INPP4B: variants seen among roughly 807,000 people sequenced by gnomAD.
The protein encoded by INPP4B is inositol polyphosphate 4-phosphatase type II.
INPP4B carries 55 observed loss-of-function variants against 122.5 expected under a neutral mutation model. The observed-to-expected ratio is 0.45, with a 90% CI of 0.36 to 0.56. The LOEUF (loss-of-function observed/expected upper bound fraction) is 0.56, where lower values mean the gene tolerates loss of function less well. Among genes scored for constraint, INPP4B ranks in the 20% least tolerant of loss-of-function variants. The pLI is 0.00. For missense variants in INPP4B, 1,000 were observed against 1,097.7 expected (o/e 0.91, Z 1.26); for synonymous variants, 403 against 388.7 (o/e 1.04, Z -0.43).
Position 142,331,414 on chromosome 4 carries a change from C to T in INPP4B, c.373-16652G>A, listed in dbSNP as rs72941152. On this transcript the variant is annotated intron_variant, in intron 7 of 25. Transcript: ENST00000262992. ...TGGGACCCAGATCTACTGGGATCCTCGTGTACTGTGAACCTGGCTGCAACT... is the reference window on the plus strand; with the variant it reads ...TGGGACCCAGATCTACTGGGATCCTTGTGTACTGTGAACCTGGCTGCAACT... Among the ~76,000 whole-genome samples, 743 of 152,214 alleles carry T rather than the reference C, an allele frequency of 4.9e-3. 3 individuals are homozygous for T. Among genetic ancestry groups the T allele is most frequent in the African/African-American group, 0.017 (705 of 41,528 alleles).
At chr4:142,159,617 A>G (rs916752517) in intron 17 of INPP4B, among the ~76,000 whole-genome samples, 9 of 152,030 alleles carry the variant, frequency 5.9e-5, no homozygotes, top group Non-Finnish European at 1.3e-4. Flanking sequence ...TGATACAGTA[A>G]TAGATTTCCC....
intron 25 of INPP4B, among the ~76,000 whole-genome samples, chr4:142,033,960 C>T (rs1350473629): frequency 6.6e-6 from 1 of 152,106 alleles, no homozygotes; most frequent in Non-Finnish European, 1.5e-5. Flanking sequence ...AGCCACTGTG[C>T]CTGGCCTCTA....
At chr4:142,303,412 TATAAA>T (rs1367841552) in intron 9 of INPP4B, among the ~76,000 whole-genome samples, 1 of 152,168 alleles carries the variant, frequency 6.6e-6, no homozygotes. Flanking sequence ...AATTAATGAC[TATAAA>T]ATAAAAGTCA....
intron 20 of INPP4B, 111 bp downstream of exon 20, chr4:142,123,181 T>C: frequency 1.2e-6 from 1 of 859,632 alleles, no homozygotes; most frequent in Non-Finnish European, 1.7e-6. Flanking sequence ...ATTTTTGTAA[T>C]ACTTGGCACA....
At position 142,460,786 on chromosome 4, in the gene INPP4B, A is replaced by G. The variant is rs927069859; in HGVS notation, c.-127+1877T>C. Among the ~76,000 whole-genome samples the G allele has an allele frequency of 8.5e-5, 13 of 152,176 alleles. 1 individual carries two copies. Among genetic ancestry groups the G allele is most frequent in the African/African-American group, 2.9e-4 (12 of 41,458 alleles). On this transcript the variant is annotated intron_variant, in intron 3 of 25. Coordinates refer to ENST00000262992, the MANE Select transcript of INPP4B (RefSeq NM_001101669.3). ...TAAAAAAGTCGATGCCCTTTGCAAC[A>G]CATATGCTGAAAACTTCTCTTCCAA... is the stretch of plus-strand genomic sequence containing the variant.
chr4:142,162,402 A>G (rs1458515396), intron 16 of INPP4B, among the ~76,000 whole-genome samples: 1 of 151,888 alleles, frequency 6.6e-6, no homozygotes, highest in Non-Finnish European at 1.5e-5. Flanking sequence ...TGTTATTTAC[A>G]TAATTTTTTA....
intron 1 of INPP4B, among the ~76,000 whole-genome samples, chr4:142,796,404 G>T (rs1777237534): frequency 6.6e-6 from 1 of 151,900 alleles, no homozygotes; most frequent in African/African-American, 2.4e-5. Flanking sequence ...GGAGAAAGTT[G>T]CTGGAAACCT....
chr4:142,444,787 A>G (rs1000762843), intron 3 of INPP4B, among the ~76,000 whole-genome samples: 5 of 152,196 alleles, frequency 3.3e-5, no homozygotes, highest in African/African-American at 1.2e-4. Context: ...AACTGGATAA[A>G]GAAAATGTGG....
intron 2 of INPP4B, among the ~76,000 whole-genome samples, chr4:142,536,759 G>A (rs758045086): frequency 6.6e-5 from 10 of 152,040 alleles, no homozygotes; most frequent in Admixed American, 1.3e-4. Context: ...GACTCTAAAC[G>A]GGCAGAATCA....
At chr4:142,264,482 T>C (rs1741814140) in intron 10 of INPP4B, among the ~76,000 whole-genome samples, 1 of 152,218 alleles carries the variant, frequency 6.6e-6, no homozygotes, top group African/African-American at 2.4e-5. Flanking sequence ...AATTTTTTCT[T>C]TCTACTACTA....
intron 8 of INPP4B, among the ~76,000 whole-genome samples, chr4:142,314,356 G>T (rs1766691956): frequency 6.6e-6 from 1 of 152,058 alleles, no homozygotes; most frequent in Non-Finnish European, 1.5e-5. Context: ...TCCTAGGGCT[G>T]GTTCTCTTCC....
At chr4:142,681,824 T>G (rs560140416) in intron 2 of INPP4B, among the ~76,000 whole-genome samples, 1 of 152,066 alleles carries the variant, frequency 6.6e-6, no homozygotes, top group South Asian at 2.1e-4. Flanking sequence ...CAAATTGTAT[T>G]GTATGGCATC....
chr4:142,519,267 T>A (rs900714534), intron 2 of INPP4B, among the ~76,000 whole-genome samples: 1 of 152,160 alleles, frequency 6.6e-6, no homozygotes, highest in African/African-American at 2.4e-5. Flanking sequence ...ATGAGGCCCA[T>A]CTGTAAAATT....
intron 1 of INPP4B, among the ~76,000 whole-genome samples, chr4:142,799,463 A>G (rs1580944170): frequency 6.6e-6 from 1 of 152,090 alleles, no homozygotes; most frequent in East Asian, 1.9e-4. Context: ...CTGAAATTAC[A>G]ACACAGCTAA....
At chr4:142,077,913 T>C (rs1318454069) in intron 25 of INPP4B, among the ~76,000 whole-genome samples, 1 of 151,686 alleles carries the variant, frequency 6.6e-6, no homozygotes, top group Non-Finnish European at 1.5e-5. Context: ...TCAATCATGG[T>C]TCCCCCCTAG....
At chr4:142,434,461 C>T (rs768999610) in intron 3 of INPP4B, among the ~76,000 whole-genome samples, 10 of 152,062 alleles carry the variant, frequency 6.6e-5, no homozygotes, top group Non-Finnish European at 1.5e-4. Flanking sequence ...AACTTTCTAC[C>T]GGGGGTGGAA....
In INPP4B at chr4:142,164,571, T is replaced by C. The variant is rs921512870; in HGVS notation, c.1360-4010A>G. 2.6e-5 allele frequency among the ~76,000 whole-genome samples: 4 copies of C among 151,894 alleles called. No individual in the cohort carries two copies. The South Asian group carries it at 8.3e-4, about 32-fold the overall frequency. ...GTTAGACTAACAGCTAGGAGGTTAC[T>C]TAACATTTGGGCAGCTCATATATAT... is the stretch of plus-strand genomic sequence containing the variant. On this transcript the variant is annotated intron_variant, in intron 16 of 25. Coordinates refer to ENST00000262992, the MANE Select transcript of INPP4B (RefSeq NM_001101669.3).
chr4:142,445,532 A>C (rs984539838), intron 3 of INPP4B, among the ~76,000 whole-genome samples: 3 of 152,196 alleles, frequency 2.0e-5, no homozygotes, highest in African/African-American at 7.2e-5. Flanking sequence ...TTAAATGTGA[A>C]TGTACCTAAA....
chr4:142,642,588 T>G (rs1192933666), intron 2 of INPP4B, among the ~76,000 whole-genome samples: 1 of 152,160 alleles, frequency 6.6e-6, no homozygotes, highest in Non-Finnish European at 1.5e-5. Flanking sequence ...AGATGTGTGG[T>G]ATTATTTCTG....
Sources: allele counts gnomAD v4.1 joint callset (sites outside exome capture counted in the v4.1 genomes callset), GRCh38; gene constraint gnomAD v4.1.1; transcripts MANE v1.5; gene names NCBI Gene and HGNC (gene_info 2026-07-23, HGNC 2026-07-21).